The following PCSK6 variants were observed in gnomAD, a reference collection of about 807,000 sequenced individuals.
PCSK6 encodes proprotein convertase subtilisin/kexin type 6.
In PCSK6, 85 loss-of-function variants were observed where a neutral mutation model predicts 123.3. The ratio of observed to expected loss-of-function variants is 0.69; its 90% CI spans 0.58 to 0.83. The LOEUF (loss-of-function observed/expected upper bound fraction) is 0.83. Among genes scored for constraint, PCSK6 ranks in the 40% least tolerant of loss-of-function variants. The probability of loss-of-function intolerance (pLI) is 0.00; values close to 1 mark genes in which losing one functional copy is unlikely to be tolerated. For synonymous variants in PCSK6, 508 were observed against 516.0 expected, an observed-to-expected ratio of 0.98 and a Z score of 0.21; for missense variants, 1,191 against 1,282.3, an observed-to-expected ratio of 0.93 and a Z score of 1.09.
At chr15:101,480,892 G>A (rs2057861621) in intron 1 of PCSK6, among the ~76,000 whole-genome samples, 2 of 150,298 alleles carry the variant, frequency 1.3e-5, no homozygotes, top group Admixed American at 6.8e-5. Context: ...GATGGTGGGG[G>A]TGGTTCAATA....
intron 17 of PCSK6, among the ~76,000 whole-genome samples, chr15:101,323,131 G>A (rs115498437): frequency 0.025 from 3,883 of 152,306 alleles, 146 homozygotes; most frequent in African/African-American, 0.086. Flanking sequence ...TATTATCTGG[G>A]TTGGCGCCTC....
At chr15:101,334,422 C>T (rs978395387) in intron 13 of PCSK6, 3 of 142,012 alleles carry the variant, frequency 2.1e-5, no homozygotes, top group Admixed American at 1.4e-4. Context: ...TTGTTCTCAC[C>T]GCTGCAGCAG....
intron 16 of PCSK6, 65 bp downstream of exon 16, chr15:101,326,312 G>C: frequency 7.9e-7 from 1 of 1,263,796 alleles, no homozygotes; most frequent in South Asian, 1.3e-5. Flanking sequence ...AGGACATGGA[G>C]GGGCTAAGGA....
intron 11 of PCSK6, among the ~76,000 whole-genome samples, chr15:101,378,026 G>A (rs970003683): frequency 8.5e-5 from 13 of 152,144 alleles, no homozygotes; most frequent in Admixed American, 6.5e-4. Flanking sequence ...CCAGAAGCCT[G>A]GATTTTCAAA....
chr15:101,385,311 C>G (rs1323328407), intron 9 of PCSK6, among the ~76,000 whole-genome samples: 1 of 152,218 alleles, frequency 6.6e-6, no homozygotes, highest in Non-Finnish European at 1.5e-5. Context: ...AGCCACCACA[C>G]CTGGCCCACC....
intron 9 of PCSK6, 111 bp from the exon 10 acceptor site, chr15:101,384,536 C>T (rs1056175374): frequency 1.7e-5 from 13 of 767,628 alleles, no homozygotes; most frequent in Non-Finnish European, 2.6e-5. Flanking sequence ...TTCAGCAAGC[C>T]CCTCAGGCTA....
chr15:101,358,844 G>A (rs780870446), intron 13 of PCSK6, among the ~76,000 whole-genome samples: 3 of 152,230 alleles, frequency 2.0e-5, no homozygotes, highest in Non-Finnish European at 4.4e-5. Context: ...CCGCCATGCT[G>A]AACAACAAGC....
At chr15:101,488,695 C>T (rs1165671783) in intron 1 of PCSK6, among the ~76,000 whole-genome samples, 1 of 152,100 alleles carries the variant, frequency 6.6e-6, no homozygotes, top group Non-Finnish European at 1.5e-5. Flanking sequence ...ACACAAAGCG[C>T]CCTCCCTCCG....
chr15:101,458,615 G>C (rs1038346193), intron 1 of PCSK6, among the ~76,000 whole-genome samples: 5 of 152,074 alleles, frequency 3.3e-5, no homozygotes, highest in Non-Finnish European at 5.9e-5. Flanking sequence ...AGCGCAAACA[G>C]ACCCCAGCAC....
chr15:101,324,835 A>AC lies in PCSK6; in HGVS notation c.2377+14_2377+15insG. 1 of 1,604,024 alleles carries AC rather than the reference A, an allele frequency of 6.2e-7. No individual in the cohort carries two copies. Among genetic ancestry groups the AC allele is most frequent in the Non-Finnish European group, 8.5e-7 (1 of 1,173,042 alleles). ...CTGGCTCATCAGTTCTTGTACCCAC[A>AC]AACAAGCCACTTACTTTCATCAGCA... On this transcript the variant is annotated intron_variant, in intron 17 of 21. Coordinates refer to ENST00000611716, the MANE Select transcript of PCSK6 (RefSeq NM_002570.5).
chr15:101,448,111 C>T (rs1350638939), intron 1 of PCSK6, among the ~76,000 whole-genome samples: 1 of 152,184 alleles, frequency 6.6e-6, no homozygotes, highest in East Asian at 1.9e-4. Context: ...CTTTGGTGCC[C>T]GTGGTATCTT....
At chr15:101,450,814 G>A (rs530717695) in intron 1 of PCSK6, among the ~76,000 whole-genome samples, 3 of 152,042 alleles carry the variant, frequency 2.0e-5, no homozygotes, top group Non-Finnish European at 4.4e-5. Context: ...GGAGGCTATG[G>A]AGCCAGGCAG....
chr15:101,481,001 T>G (rs762555897), intron 1 of PCSK6, among the ~76,000 whole-genome samples: 2 of 152,170 alleles, frequency 1.3e-5, no homozygotes, highest in Non-Finnish European at 2.9e-5. Flanking sequence ...GGGCCACATT[T>G]TCTTATCTCT....
intron 6 of PCSK6, among the ~76,000 whole-genome samples, chr15:101,415,995 T>A (rs896374142): frequency 6.6e-6 from 1 of 152,178 alleles, no homozygotes; most frequent in Non-Finnish European, 1.5e-5. Context: ...TTGGTGCCCA[T>A]AGAGTGGGCA....
intron 1 of PCSK6, among the ~76,000 whole-genome samples, chr15:101,445,492 T>C (rs2056865226): frequency 6.6e-6 from 1 of 152,194 alleles, no homozygotes; most frequent in Non-Finnish European, 1.5e-5. Context: ...TAAACCTCAT[T>C]ATTTCTGCCC....
At chr15:101,440,065 T>A (rs1038560552) in intron 2 of PCSK6, among the ~76,000 whole-genome samples, 9 of 152,156 alleles carry the variant, frequency 5.9e-5, no homozygotes, top group African/African-American at 2.2e-4. Context: ...TTTAAAAAAA[T>A]TTGTGAGCCC....
chr15:101,364,869 C>A (rs751354503), intron 13 of PCSK6: 14 of 591,466 alleles, frequency 2.4e-5, no homozygotes, highest in Non-Finnish European at 4.5e-5. Context: ...GAAAGAACCA[C>A]CAAGTTGGAG....
At chr15:101,342,426 G>T (rs576618266) in intron 13 of PCSK6, among the ~76,000 whole-genome samples, 2 of 152,294 alleles carry the variant, frequency 1.3e-5, no homozygotes, top group African/African-American at 4.8e-5. Context: ...GTGGAATGCT[G>T]ACAAATATTT....
At chr15:101,467,017 A>G (rs2057477900) in intron 1 of PCSK6, among the ~76,000 whole-genome samples, 1 of 152,238 alleles carries the variant, frequency 6.6e-6, no homozygotes. Context: ...ATAACTTAAC[A>G]GAATTGTTAT....
Sources: gnomAD v4.1 joint callset for allele counts (sites outside exome capture counted in the v4.1 genomes callset) on GRCh38, gnomAD v4.1.1 for gene constraint, MANE v1.5 for transcripts, NCBI Gene and HGNC (gene_info 2026-07-23, HGNC 2026-07-21) for gene names.